DENND2B: variants seen among roughly 807,000 people sequenced by gnomAD.
The protein encoded by DENND2B is DENN domain containing 2B, also known as DENN domain-containing protein 2B.
Under a neutral mutation model 116.0 loss-of-function variants are expected in DENND2B, and 32 were observed. The ratio of observed to expected loss-of-function variants is 0.28; its 90% confidence interval spans 0.21 to 0.37. The LOEUF (loss-of-function observed/expected upper bound fraction) is 0.37. DENND2B is among the 10% of genes least tolerant of loss of function. The pLI, the probability that DENND2B is intolerant of heterozygous loss-of-function variation, is 1.00. For synonymous variants in DENND2B, 588 were observed against 583.9 expected, an observed-to-expected ratio of 1.01 and a Z score of -0.10; for missense variants, 1,276 against 1,477.7, an observed-to-expected ratio of 0.86 and a Z score of 2.24.
intron 2 of DENND2B, among the ~76,000 whole-genome samples, chr11:8,736,427 T>C (rs1157173488): frequency 6.6e-6 from 1 of 152,130 alleles, no homozygotes; most frequent in African/African-American, 2.4e-5. Flanking sequence ...ATAGGTTACA[T>C]TCTGGTAGAC....
chr11:8,780,257 G>C (rs1487418144), intron 1 of DENND2B, among the ~76,000 whole-genome samples: 2 of 152,168 alleles, frequency 1.3e-5, no homozygotes, highest in Non-Finnish European at 2.9e-5. Flanking sequence ...CCACTCTGTA[G>C]GGTGAATACA....
intron 8 of DENND2B, 98 bp downstream of exon 8, chr11:8,713,900 G>T: frequency 7.4e-7 from 1 of 1,345,500 alleles, no homozygotes; most frequent in Non-Finnish European, 1.1e-6. Context: ...ACATCAGGCC[G>T]GTTAGGGACA....
intron 2 of DENND2B, among the ~76,000 whole-genome samples, chr11:8,741,357 C>T (rs947813010): frequency 4.6e-5 from 7 of 152,222 alleles, no homozygotes. Context: ...CTCTAAGGAG[C>T]AGTGGCAAGT....
chr11:8,764,535 C>A (rs1433498595), intron 1 of DENND2B, among the ~76,000 whole-genome samples: 1 of 152,160 alleles, frequency 6.6e-6, no homozygotes, highest in Non-Finnish European at 1.5e-5. Context: ...GCAGCAGACC[C>A]CAGAGTCTGG....
chr11:8,877,881 AT>A (rs1466109145), intron 2 of DENND2B, among the ~76,000 whole-genome samples: 3 of 152,364 alleles, frequency 2.0e-5, no homozygotes, highest in African/African-American at 7.2e-5. Flanking sequence ...AATAAAAGTA[AT>A]AAGTTGTGTA....
At chr11:8,701,632 C>A (rs544971476) in intron 14 of DENND2B, among the ~76,000 whole-genome samples, 8 of 152,118 alleles carry the variant, frequency 5.3e-5, no homozygotes, top group Non-Finnish European at 8.8e-5. Context: ...ACCAAAAACC[C>A]TAGTGTTCCT....
intron 1 of DENND2B, among the ~76,000 whole-genome samples, chr11:8,782,533 G>A (rs1332356148): frequency 6.6e-6 from 1 of 152,128 alleles, no homozygotes; most frequent in East Asian, 1.9e-4. Flanking sequence ...TTTGGATGAT[G>A]GGTACATAGA....
rs1359517164 is a variant in DENND2B, at chr11:8,719,153, G to A, written c.1478-1261C>T. On this transcript the variant is annotated intron_variant, in intron 4 of 19. Coordinates refer to ENST00000313726, the MANE Select transcript of DENND2B (RefSeq NM_213618.2). ...CAGGAAGCAGGCAGAAGAAGGAGCT[G>A]GAGGACGAGGAACAAAGGCTGCTGA... 1.1e-5 allele frequency: 11 copies of A among 985,672 alleles called. No homozygotes were observed. In the East Asian group the frequency reaches 4.5e-4, roughly 41 times the overall value. The allele number at this position is 985,672 out of a possible 1,614,324, so 61.1% of individuals were successfully genotyped here.
rs201582306 is a variant in DENND2B at position 8,887,589 on chromosome 11, C to CTT, written c.-255-6482_-255-6481dup. 4.3e-3 allele frequency among the ~76,000 whole-genome samples: 656 copies of CTT among 152,192 alleles called. 9 individuals carry two copies. The highest frequency in any genetic ancestry group is 0.015 in the African/African-American group (621 of 41,518). On this transcript the variant is annotated intron_variant, in intron 1 of 22. Transcript: ENST00000534127. ...TAAAGTCTACTCAGCCCTTCCATAC[C>CTT]TTTTCTCTCTCCACCAGCCACATGT...
chr11:8,889,469 G>C (rs995605507), intron 1 of DENND2B, among the ~76,000 whole-genome samples: 6 of 152,262 alleles, frequency 3.9e-5, no homozygotes, highest in African/African-American at 1.4e-4. Context: ...GGAAACGCAA[G>C]GGTCAGGGAA....
intron 1 of DENND2B, among the ~76,000 whole-genome samples, chr11:8,760,079 C>A (rs2054333303): frequency 6.6e-6 from 1 of 152,208 alleles, no homozygotes; most frequent in Non-Finnish European, 1.5e-5. Flanking sequence ...GCTAAGCTCA[C>A]CAATGCTATA....
upstream of DENND2B, among the ~76,000 whole-genome samples, chr11:8,873,219 C>T (rs1454781288): frequency 6.6e-6 from 1 of 152,230 alleles, no homozygotes; most frequent in East Asian, 1.9e-4. Context: ...ACTCAACAGA[C>T]AGCATCAAGA....
intron 19 of DENND2B, among the ~76,000 whole-genome samples, chr11:8,694,826 A>G (rs920804364): frequency 3.3e-5 from 5 of 152,298 alleles, no homozygotes; most frequent in African/African-American, 1.2e-4. Flanking sequence ...TTGGGAGGTC[A>G]ATATGGGAGT....
In DENND2B at chr11:8,712,291, G is replaced by C. The variant is rs1008497273; in HGVS notation, c.2172+260C>G. 1.4e-4 allele frequency among the ~76,000 whole-genome samples: 21 copies of C among 152,190 alleles called. No individual in the cohort carries two copies. Among genetic ancestry groups the C allele is most frequent in the African/African-American group, 5.1e-4 (21 of 41,436 alleles). On this transcript the variant is annotated intron_variant, in intron 9 of 19. Transcript: ENST00000313726. This position sits in a 1 kb window ranked among gnomAD's most constrained non-coding sequence, Gnocchi z 4.4. ...ATACATTAAGTGGGTGAACTGTATG[G>C]TATTCAATTGTTCTGGATTTTATTA...
intron 1 of DENND2B, among the ~76,000 whole-genome samples, chr11:8,801,109 A>C (rs75464360): frequency 0.012 from 1,813 of 151,696 alleles, 17 homozygotes; most frequent in Middle Eastern, 0.061. Flanking sequence ...GCTCTTTGAC[A>C]CTGGGTCTGC....
intron 3 of DENND2B, among the ~76,000 whole-genome samples, chr11:8,845,992 C>T (rs936350655): frequency 6.6e-6 from 1 of 152,134 alleles, no homozygotes; most frequent in Non-Finnish European, 1.5e-5. Flanking sequence ...AGAATCAGGG[C>T]CCACACTTTA....
At chr11:8,704,644 T>G (rs1175693995) in intron 13 of DENND2B, among the ~76,000 whole-genome samples, 1 of 152,208 alleles carries the variant, frequency 6.6e-6, no homozygotes, top group African/African-American at 2.4e-5. Context: ...TATTCTTCCC[T>G]CTCCTAGAAC....
At chr11:8,762,082 T>G (rs1185711499) in intron 1 of DENND2B, among the ~76,000 whole-genome samples, 1 of 152,176 alleles carries the variant, frequency 6.6e-6, no homozygotes, top group Non-Finnish European at 1.5e-5. Flanking sequence ...ACTCATCACA[T>G]GTACTCCCCA....
At chr11:8,699,007 G>A (rs1436753593) in intron 15 of DENND2B, 33 bp from the exon 16 acceptor site, 1 of 1,613,136 alleles carries the variant, frequency 6.2e-7, no homozygotes. Flanking sequence ...GAGTGGCTCA[G>A]GGCATGAGTC....
Sources: allele counts gnomAD v4.1 joint callset (sites outside exome capture counted in the v4.1 genomes callset), GRCh38; gene constraint gnomAD v4.1.1; non-coding constraint Gnocchi (gnomAD v3.1); transcripts MANE v1.5; gene names NCBI Gene and HGNC (gene_info 2026-07-23, HGNC 2026-07-21).